NTRK1: variants seen among roughly 807,000 people sequenced by gnomAD.
NTRK1 encodes the protein high affinity nerve growth factor receptor.
In NTRK1, 62 loss-of-function variants were observed where a neutral mutation model predicts 86.8. The observed-to-expected ratio is 0.71, with a 90% CI of 0.58 to 0.88. The LOEUF (loss-of-function observed/expected upper bound fraction) is 0.88. Among genes scored for constraint, NTRK1 ranks in the 40% least tolerant of loss-of-function variants. The pLI is 0.00. For synonymous variants in NTRK1, 469 were observed against 456.6 expected, an observed-to-expected ratio of 1.03 and a Z score of -0.35; for missense variants, 967 against 1,078.4, an observed-to-expected ratio of 0.90 and a Z score of 1.45.
In NTRK1 at chr1:156,851,431, T is replaced by C; in HGVS notation, c.50+9238T>C. The stretch of plus-strand genomic sequence containing the variant: ...GCTGTGCTGCAGCTGTGGCTCCAGG[T>C]TGTCTAGGGATGGGAAGACAGGGCT... On this transcript the variant is annotated intron_variant, in intron 2 of 16. Transcript: ENST00000392302. The C allele has an allele frequency of 3.7e-6, 6 of 1,614,044 alleles. No individual in the cohort carries two copies. The East Asian group carries it at 1.3e-4, about 36-fold the overall frequency.
intron 2 of NTRK1, chr1:156,844,322 G>C: frequency 1.9e-6 from 3 of 1,574,862 alleles, no homozygotes; most frequent in Non-Finnish European, 1.7e-6. Context: ...CAAAGATGTA[G>C]AAGTCAGAGG....
At chr1:156,840,701 G>A (rs958860690) in intron 1 of NTRK1, 1 of 627,994 alleles carries the variant, frequency 1.6e-6, no homozygotes, top group African/African-American at 1.8e-5. Context: ...AACTCCTATG[G>A]TGAGACCCCT....
upstream of NTRK1, among the ~76,000 whole-genome samples, chr1:156,860,480 G>T (rs150198130): frequency 2.0e-5 from 3 of 152,348 alleles, no homozygotes; most frequent in Non-Finnish European, 4.4e-5. Flanking sequence ...CACGCGCGCC[G>T]CGAGGATGGA....
chr1:156,877,893 G>A (rs1378980507), intron 14 of NTRK1, among the ~76,000 whole-genome samples: 1 of 152,172 alleles, frequency 6.6e-6, no homozygotes, highest in Non-Finnish European at 1.5e-5. Context: ...TGTGGAGCAG[G>A]AGGCGAGGCC....
rs971281735 is a variant in NTRK1 at position 156,874,581 on chromosome 1, C to G, written c.1206C>G (p.Ser402Arg). 1 of 1,614,142 alleles carries G rather than the reference C, an allele frequency of 6.2e-7. No individual in the cohort carries two copies. The highest frequency in any genetic ancestry group is 8.5e-7 in the Non-Finnish European group (1 of 1,180,016). The change falls in exon 10 of 17, where the codon AGC (serine) becomes AGG (arginine). Residue 402 changes from serine to arginine, a missense_variant. Ser to Arg is a moderately radical substitution (Grantham distance 110). Around this residue, in one of 2 missense-constraint regions of NTRK1, gnomAD observed 637 missense variants for 776.5 expected, o/e 0.82. Coordinates refer to ENST00000524377, the MANE Select transcript of NTRK1 (RefSeq NM_002529.4). Reference protein sequence around the residue: ...PVSFSPVDTNSTSGDPVEKKD... With the variant: ...PVSFSPVDTNRTSGDPVEKKD... The stretch of plus-strand genomic sequence containing the variant: ...CCTGTGTCCCTACAGACACTAACAG[C>G]ACATCTGGAGACCCGGTGGAGAAGA...
At chr1:156,875,054 C>A (rs898369315) in intron 11 of NTRK1, 46 bp downstream of exon 11, 1 of 1,382,506 alleles carries the variant, frequency 7.2e-7, no homozygotes, top group Non-Finnish European at 1.0e-6. Context: ...GTTCTCCTGG[C>A]TTTGTTTCCT....
chr1:156,857,323 G>T (rs1216748783), upstream of NTRK1, among the ~76,000 whole-genome samples: 1 of 152,136 alleles, frequency 6.6e-6, no homozygotes, highest in African/African-American at 2.4e-5. Context: ...GCAGATAGGG[G>T]TTCTCTCAGG....
In NTRK1 at chr1:156,840,971, G is replaced by A. The variant is rs35627952; in HGVS notation, c.-63-1110G>A. On this transcript the variant is annotated intron_variant, in intron 1 of 16. Coordinates refer to the NTRK1 transcript ENST00000392302. ...GTAGGCAGGGAGCCCCGGGCCCCCC[G>A]GCATTCCGGGCTGTAGTAGAAGGAG... The A allele has an allele frequency of 8.6e-5, 139 of 1,613,732 alleles. No individual in the cohort carries two copies. The East Asian group carries it at 1.9e-3, about 23-fold the overall frequency.
At chr1:156,841,459 C>T in intron 1 of NTRK1, 1 of 1,613,972 alleles carries the variant, frequency 6.2e-7, no homozygotes, top group Non-Finnish European at 8.5e-7. Flanking sequence ...TCAGCACCTG[C>T]TCATTGGACA....
chr1:156,840,926 A>G, intron 1 of NTRK1: 1 of 1,614,012 alleles, frequency 6.2e-7, no homozygotes, highest in South Asian at 1.1e-5. Flanking sequence ...GTGGGTGAGG[A>G]GTCAGGCTCT....
At chr1:156,856,582 C>T (rs2102872950), upstream of NTRK1, among the ~76,000 whole-genome samples, 1 of 152,306 alleles carries the variant, frequency 6.6e-6, no homozygotes, top group South Asian at 2.1e-4. Flanking sequence ...TTAATCACTT[C>T]CCCTTTAGGC....
At chr1:156,865,471 G>A (rs756779902) in intron 3 of NTRK1, among the ~76,000 whole-genome samples, 4 of 152,202 alleles carry the variant, frequency 2.6e-5, no homozygotes, top group East Asian at 1.9e-4. Flanking sequence ...GACAGGAGGC[G>A]GAGCTCAGGC....
At chr1:156,816,161 C>A (rs558977082) in intron 1 of NTRK1, 1,137 of 1,529,100 alleles carry the variant, frequency 7.4e-4, no homozygotes, top group Non-Finnish European at 9.5e-4. Flanking sequence ...GCCTCCCACC[C>A]CTCCTCCCAG....
At position 156,879,068 on chromosome 1, in the gene NTRK1, G is replaced by T. The variant is rs1263857379; in HGVS notation, c.1806-54G>T. The stretch of plus-strand genomic sequence containing the variant: ...GGCTGCTGGGGATCGCCTTCCTCAG[G>T]CTCCTGGGAGTTCTATCCTCCCAGC... On this transcript the variant is annotated intron_variant, in intron 14 of 16. Coordinates refer to ENST00000524377, the MANE Select transcript of NTRK1 (RefSeq NM_002529.4). The T allele has an allele frequency of 1.9e-6, 3 of 1,605,906 alleles. No homozygotes were observed. The African/African-American group carries it at 4.0e-5, about 22-fold the overall frequency.
At chr1:156,870,760 C>T (rs1647503629) in intron 6 of NTRK1, among the ~76,000 whole-genome samples, 1 of 152,154 alleles carries the variant, frequency 6.6e-6, no homozygotes, top group African/African-American at 2.4e-5. Flanking sequence ...TCTAAAATGT[C>T]AGAAGATAAT....
intron 2 of NTRK1, chr1:156,845,227 G>C (rs781279978): frequency 1.2e-6 from 2 of 1,610,042 alleles, no homozygotes; most frequent in African/African-American, 2.7e-5. Flanking sequence ...TGTCCTCCTG[G>C]ATCTCGAAAT....
chr1:156,816,563 C>A, intron 1 of NTRK1: 1 of 1,127,728 alleles, frequency 8.9e-7, no homozygotes, highest in Non-Finnish European at 1.3e-6. Flanking sequence ...CCAGCTCTGG[C>A]TTAGGGTGGG....
chr1:156,876,766 A>G (rs1647950418), intron 14 of NTRK1, among the ~76,000 whole-genome samples, 194 bp downstream of exon 14: 1 of 152,214 alleles, frequency 6.6e-6, no homozygotes, highest in Non-Finnish European at 1.5e-5. Flanking sequence ...TGACTCTTGC[A>G]AAGGACAAGT....
chr1:156,851,342 G>A (rs1362277781), intron 2 of NTRK1: 5 of 1,614,042 alleles, frequency 3.1e-6, no homozygotes, highest in Non-Finnish European at 4.2e-6. Flanking sequence ...AAAAAGCCCA[G>A]GGACACGAGG....
Sources: allele counts gnomAD v4.1 joint callset (sites outside exome capture counted in the v4.1 genomes callset), GRCh38; gene constraint gnomAD v4.1.1; regional missense constraint gnomAD v4.1.1; transcripts MANE v1.5; gene names NCBI Gene and HGNC (gene_info 2026-07-23, HGNC 2026-07-21).